The following GGH variants were observed in gnomAD, a reference collection of about 807,000 sequenced individuals.
GGH encodes the protein gamma-glutamyl hydrolase.
In GGH, 18 loss-of-function variants were observed where a neutral mutation model predicts 39.2. That is an observed-to-expected ratio of 0.46 (90% CI 0.32 to 0.68). The LOEUF (loss-of-function observed/expected upper bound fraction) is 0.68. Ranked by LOEUF, GGH falls within the 30% of genes least tolerant of loss-of-function variation. The pLI is 0.04. For synonymous variants in GGH, 147 were observed against 138.8 expected, an observed-to-expected ratio of 1.06 and a Z score of -0.42; for missense variants, 367 against 384.1, an observed-to-expected ratio of 0.96 and a Z score of 0.37.
intron 5 of GGH, 95 bp from the exon 6 acceptor site, chr8:63,024,281 G>C: frequency 1.5e-6 from 1 of 676,546 alleles, no homozygotes; most frequent in East Asian, 2.7e-5. Flanking sequence ...CCATTATGAA[G>C]ACATAATCAA....
intron 2 of GGH, among the ~76,000 whole-genome samples, chr8:63,034,762 TTAAAG>T (rs1224969817): frequency 6.6e-6 from 1 of 152,168 alleles, no homozygotes; most frequent in East Asian, 1.9e-4. Flanking sequence ...TTACAAACTT[TTAAAG>T]TAGAGTGTGA....
In GGH at chr8:63,024,091, G is replaced by C. The variant is rs763389022; in HGVS notation, c.595C>G (p.Leu199Val). ...AATTAGTGTGATACCTTCACGGAGA[G>C]GCTCCACTTATGGAAATTGGCAGTC... is the stretch of plus-strand genomic sequence containing the variant. ...PLTANFHKWSLSVKNFTMNEK... is the reference protein window; with the variant it reads ...PLTANFHKWSVSVKNFTMNEK... Residue 199 changes from leucine to valine, a missense_variant, in exon 6 of 9, where the codon CTC becomes GTC. Physicochemically the swap from Leu to Val is conservative, Grantham distance 32 (BLOSUM62 1). Transcript: ENST00000260118. The C allele has an allele frequency of 2.5e-6, 4 of 1,596,454 alleles. No homozygotes were observed. Among genetic ancestry groups the C allele is most frequent in the Admixed American group, 3.3e-5 (2 of 59,824 alleles).
At chr8:63,027,383 C>A in intron 3 of GGH, 118 bp from the exon 4 acceptor site, 1 of 553,330 alleles carries the variant, frequency 1.8e-6, no homozygotes, top group Non-Finnish European at 3.2e-6. Flanking sequence ...GCAATAAGAT[C>A]CTTGAAGAAA....
intron 2 of GGH, among the ~76,000 whole-genome samples, chr8:63,034,529 T>C (rs2129680928): frequency 6.6e-6 from 1 of 152,310 alleles, no homozygotes; most frequent in Middle Eastern, 3.4e-3. Context: ...TGCTCAAAGA[T>C]TCTAAAATAC....
chr8:63,020,774 G>A (rs996296306), intron 7 of GGH, among the ~76,000 whole-genome samples: 3 of 152,130 alleles, frequency 2.0e-5, no homozygotes, highest in African/African-American at 7.2e-5. Flanking sequence ...GAGGGCATGA[G>A]GAAATAAGCT....
Position 63,038,666 on chromosome 8 carries a change from T to C in GGH, c.103A>G (p.Ile35Val). The change falls in exon 1 of 9, where the codon ATC (isoleucine) becomes GTC (valine). Residue 35 changes from isoleucine to valine, a missense_variant. Coordinates refer to ENST00000260118, the MANE Select transcript of GGH (RefSeq NM_003878.3). ...RPHGDTAKKP[I>V]IGILMQKCRN... ...CCCCGCACAGCCTCCTTACCGATGA[T>C]GGGCTTCTTGGCGGTGTCGCCGTGG... 2 of 1,521,808 alleles carry C rather than the reference T, an allele frequency of 1.3e-6. No individual in the cohort carries two copies. Among genetic ancestry groups the C allele is most frequent in the Non-Finnish European group, 8.9e-7 (1 of 1,122,754 alleles). The allele number at this position is 1,521,808 out of a possible 1,614,324, so 94.3% of individuals were successfully genotyped here. A position where few individuals can be genotyped will look rare whatever the true frequency, so the allele number is the denominator to read the frequency against.
intron 7 of GGH, chr8:63,017,858 G>T: frequency 2.5e-6 from 1 of 397,938 alleles, no homozygotes; most frequent in Non-Finnish European, 4.5e-6. Context: ...AGGACGATTT[G>T]CTTTTCGAGA....
intron 7 of GGH, among the ~76,000 whole-genome samples, chr8:63,022,111 C>T (rs1804598018): frequency 2.0e-5 from 3 of 151,342 alleles, no homozygotes; most frequent in Admixed American, 6.6e-5. Context: ...TTTTTTTTTA[C>T]GAACACAACT....
chr8:63,026,357 C>T, intron 4 of GGH, 61 bp from the exon 5 acceptor site: 1 of 1,385,462 alleles, frequency 7.2e-7, no homozygotes, highest in Non-Finnish European at 1.0e-6. Flanking sequence ...AAAAATTAGC[C>T]ATATCTTTTG....
At chr8:63,030,777 T>C (rs141026010) in intron 2 of GGH, among the ~76,000 whole-genome samples, 47 of 152,058 alleles carry the variant, frequency 3.1e-4, no homozygotes, top group Middle Eastern at 6.8e-3. Context: ...GAGATGACTG[T>C]AGAACAGCCT....
At chr8:63,027,018 G>A (rs1239004434) in intron 4 of GGH, 163 bp downstream of exon 4, 1 of 631,086 alleles carries the variant, frequency 1.6e-6, no homozygotes, top group East Asian at 2.8e-5. Flanking sequence ...GAAGCACATG[G>A]AAAATAGGCG....
intron 7 of GGH, among the ~76,000 whole-genome samples, chr8:63,022,690 TTC>T (rs1191042514): frequency 6.6e-6 from 1 of 151,396 alleles, no homozygotes; most frequent in Non-Finnish European, 1.5e-5. Flanking sequence ...TTTTTTTTTT[TTC>T]TTTTTTTGTA....
intron 7 of GGH, among the ~76,000 whole-genome samples, chr8:63,019,293 T>C (rs1257533194): frequency 6.6e-6 from 1 of 152,184 alleles, no homozygotes; most frequent in Non-Finnish European, 1.5e-5. Flanking sequence ...CAACAGCCAA[T>C]ACCACAGACA....
chr8:63,032,320 G>A (rs1804821857), intron 2 of GGH, among the ~76,000 whole-genome samples: 1 of 152,152 alleles, frequency 6.6e-6, no homozygotes, highest in Non-Finnish European at 1.5e-5. Context: ...ATAGACGTGA[G>A]CCACCGCGCC....
At chr8:63,030,025 A>G (rs1804773898) in intron 3 of GGH, 142 bp downstream of exon 3, 2 of 470,886 alleles carry the variant, frequency 4.2e-6, no homozygotes, top group South Asian at 6.6e-5. Context: ...AATAAATCCT[A>G]TAAAAGAACT....
At chr8:63,034,487 G>A (rs188075476) in intron 2 of GGH, among the ~76,000 whole-genome samples, 20 of 152,284 alleles carry the variant, frequency 1.3e-4, no homozygotes, top group Admixed American at 1.3e-3. Flanking sequence ...AGTGTTTTAT[G>A]TGTGAAATCA....
At chr8:63,037,028 C>A (rs1343413845) in intron 1 of GGH, among the ~76,000 whole-genome samples, 5 of 152,126 alleles carry the variant, frequency 3.3e-5, no homozygotes, top group Non-Finnish European at 7.4e-5. Flanking sequence ...CGGGTGAGTA[C>A]CTGTGCCTAC....
chr8:63,027,083 A>G, intron 4 of GGH, 98 bp downstream of exon 4: 1 of 752,144 alleles, frequency 1.3e-6, no homozygotes, highest in South Asian at 1.4e-5. Flanking sequence ...GCTAAGGGTA[A>G]TTTTGAAGGG....
At chr8:63,018,487 A>G (rs1804527369) in intron 7 of GGH, among the ~76,000 whole-genome samples, 1 of 152,226 alleles carries the variant, frequency 6.6e-6, no homozygotes, top group African/African-American at 2.4e-5. Context: ...TAGGGGTAAG[A>G]GCACTGTCTG....
Sources: gnomAD v4.1 joint callset for allele counts (sites outside exome capture counted in the v4.1 genomes callset) on GRCh38, gnomAD v4.1.1 for gene constraint, MANE v1.5 for transcripts, NCBI Gene and HGNC (gene_info 2026-07-23, HGNC 2026-07-21) for gene names.